Variants in TTI1 observed in about 807,000 individuals in gnomAD.
TTI1 encodes TELO2 interacting protein 1, also known as TELO2-interacting protein 1 homolog.
Under a neutral mutation model 85.4 loss-of-function variants are expected in TTI1, and 52 were observed. That is an observed-to-expected ratio of 0.61 (90% CI 0.49 to 0.77). The LOEUF is 0.77. TTI1 is among the 30% of genes least tolerant of loss of function. TTI1 has a pLI of 0.00. For synonymous variants in TTI1, 512 were observed against 503.9 expected, an observed-to-expected ratio of 1.02 and a Z score of -0.22; for missense variants, 1,173 against 1,296.0, an observed-to-expected ratio of 0.91 and a Z score of 1.46.
intron 1 of TTI1, among the ~76,000 whole-genome samples, chr20:38,020,716 G>A (rs956564711): frequency 6.6e-6 from 1 of 151,982 alleles, no homozygotes; most frequent in African/African-American, 2.4e-5. Context: ...CACAAAAAAG[G>A]ATAGCCAAAT....
At chr20:37,988,082 G>C (rs1357299508) in intron 7 of TTI1, among the ~76,000 whole-genome samples, 2 of 152,250 alleles carry the variant, frequency 1.3e-5, no homozygotes, top group Non-Finnish European at 2.9e-5. Flanking sequence ...GGCACAAAGA[G>C]AGAGGGACAA....
intron 7 of TTI1, among the ~76,000 whole-genome samples, chr20:37,995,565 C>A (rs887357584): frequency 6.6e-5 from 10 of 152,246 alleles, no homozygotes; most frequent in Non-Finnish European, 1.3e-4. Flanking sequence ...GCCCCAGCAG[C>A]AGACCTACCC....
intron 1 of TTI1, 129 bp from the exon 2 acceptor site, chr20:38,013,986 G>A (rs1366099811): frequency 2.7e-5 from 24 of 873,362 alleles, no homozygotes; most frequent in Non-Finnish European, 8.5e-6. Context: ...CACTAGGGGT[G>A]CAATGAAACT....
Position 38,020,322 on chromosome 20 carries a change from AAATAT to A in TTI1, c.-41-6470_-41-6466del, listed in dbSNP as rs1426382669. On this transcript the variant is annotated intron_variant, in intron 1 of 7. Coordinates refer to ENST00000373447, the MANE Select transcript of TTI1 (RefSeq NM_001303457.2). ...TGGCTACTCATATGAAAAAAAAAAA[AAATAT>A]ATATATATATATATATATATATATA... 8.7e-4 allele frequency among the ~76,000 whole-genome samples: 66 copies of A among 75,910 alleles called. 3 individuals are homozygous for A. Among genetic ancestry groups the A allele is most frequent in the African/African-American group, 3.4e-3 (56 of 16,236 alleles). The allele number at this position is 75,910 out of a possible 152,430, so 49.8% of individuals were successfully genotyped here. A position where few individuals can be genotyped will look rare whatever the true frequency, so the allele number is the denominator to read the frequency against.
chr20:37,993,317 G>A (rs1451242181), intron 7 of TTI1, among the ~76,000 whole-genome samples: 1 of 150,996 alleles, frequency 6.6e-6, no homozygotes. Flanking sequence ...TTACAACCTC[G>A]GTTACATCAA....
In TTI1 at chr20:37,996,884, T is replaced by G; in HGVS notation, c.2863A>C (p.Lys955Gln). Residue 955 changes from lysine (K) to glutamine (Q), a missense_variant, in exon 6 of 8, where the codon AAG (lysine) becomes CAG (glutamine). By Grantham distance (53) the Lys-to-Gln change is moderately conservative. Transcript: ENST00000373447. ...RSRFCKDVLP[K>Q]LAGSLVTQAP... ...TGGGTGACTAGGGAGCCAGCCAGCT[T>G]TGGCAGGACATCTTTGCAGAACCGG... 6.2e-7 allele frequency: 1 copy of G among 1,614,120 alleles called. No homozygotes were observed. The highest frequency in any genetic ancestry group is 8.5e-7 in the Non-Finnish European group (1 of 1,180,014).
chr20:37,990,916 G>A (rs956456483), intron 7 of TTI1, among the ~76,000 whole-genome samples: 8 of 152,196 alleles, frequency 5.3e-5, no homozygotes, highest in Non-Finnish European at 1.2e-4. Flanking sequence ...CAAGGAAGAA[G>A]GGACAGAATT....
At chr20:37,996,574 T>C (rs755470439) in intron 6 of TTI1, 112 bp from the exon 7 acceptor site, 550 of 1,421,448 alleles carry the variant, frequency 3.9e-4, no homozygotes, top group Non-Finnish European at 5.3e-4. Context: ...CTCTGGGCTC[T>C]CTACTCCATC....
chr20:38,015,814 CA>C (rs1238426030), intron 1 of TTI1, among the ~76,000 whole-genome samples: 9 of 152,128 alleles, frequency 5.9e-5, no homozygotes, highest in Non-Finnish European at 1.3e-4. Context: ...CTGTCTTACC[CA>C]AAGCAGGGAT....
intron 7 of TTI1, among the ~76,000 whole-genome samples, chr20:37,994,785 T>A (rs2073315866): frequency 6.6e-6 from 1 of 152,120 alleles, no homozygotes; most frequent in African/African-American, 2.4e-5. Context: ...GGCTGCGTGT[T>A]CCTCCACCTG....
At chr20:38,021,297 C>T (rs1315444121) in intron 1 of TTI1, among the ~76,000 whole-genome samples, 1 of 152,170 alleles carries the variant, frequency 6.6e-6, no homozygotes, top group African/African-American at 2.4e-5. Context: ...CTATAAAAGG[C>T]AATCATATAG....
rs151012408 is a variant in TTI1, at chr20:37,995,533, CAG to C, written c.3086+840_3086+841del. On this transcript the variant is annotated intron_variant, in intron 7 of 7. Transcript: ENST00000373447. ...AGGAGCTGCAGGGCTCAGAGCGGCA[CAG>C]AGTGCCAGGCCCAGCTTTCGCCCCA... Among the ~76,000 whole-genome samples the C allele has an allele frequency of 1.5e-3, 231 of 152,372 alleles. 5 individuals carry two copies. The East Asian group carries it at 0.04, about 26-fold the overall frequency.
intron 2 of TTI1, among the ~76,000 whole-genome samples, chr20:38,009,094 G>C (rs2073542890): frequency 6.6e-6 from 1 of 152,060 alleles, no homozygotes; most frequent in African/African-American, 2.4e-5. Context: ...CCCAAATTCA[G>C]ATACCTCTTG....
rs772839935 is a variant in TTI1 at position 38,020,310 on chromosome 20, G to GAAAAAAAA, written c.-41-6461_-41-6454dup. Reference sequence around the variant, plus strand: ...TGCTATGTCACTTGGCTACTCATATGAAAAAAAAAAAAAATATATATATAT... The same window carrying GAAAAAAAA: ...TGCTATGTCACTTGGCTACTCATATGAAAAAAAAAAAAAAAAAAAAAATATATATATAT... On this transcript the variant is annotated intron_variant, in intron 1 of 7. Transcript: ENST00000373447. Among the ~76,000 whole-genome samples the GAAAAAAAA allele has an allele frequency of 6.0e-4, 29 of 48,248 alleles. 1 individual carries two copies. The highest frequency in any genetic ancestry group is 1.6e-3 in the African/African-American group (15 of 9,428). The allele number at this position is 48,248 out of a possible 152,430, so 31.7% of individuals were successfully genotyped here.
intron 1 of TTI1, among the ~76,000 whole-genome samples, chr20:38,021,621 T>C (rs563026486): frequency 4.2e-4 from 64 of 152,310 alleles, no homozygotes; most frequent in Non-Finnish European, 7.5e-4. Context: ...AGTTCTTGAC[T>C]GCTAATGGAC....
chr20:38,001,341 A>T (rs371218172), intron 4 of TTI1, among the ~76,000 whole-genome samples: 5 of 152,244 alleles, frequency 3.3e-5, no homozygotes, highest in African/African-American at 1.2e-4. Flanking sequence ...CACATGGCTA[A>T]TAAGAGGCAG....
In TTI1 at chr20:38,002,786, G is replaced by A; in HGVS notation, c.2504-10C>T. ...GGGACTGACTGTTCCTCTGGAAAAA[G>A]AGCACAACTGGGGGCAGTGTTGTAT... On this transcript the variant is annotated splice_polypyrimidine_tract_variant and intron_variant, in intron 3 of 7. Transcript: ENST00000373447. The A allele has an allele frequency of 1.2e-6, 2 of 1,613,374 alleles. No homozygotes were observed. The highest frequency in any genetic ancestry group is 1.3e-5 in the African/African-American group (1 of 75,034).
intron 6 of TTI1, 25 bp from the exon 7 acceptor site, chr20:37,996,487 G>GC: frequency 3.1e-6 from 5 of 1,610,924 alleles, no homozygotes; most frequent in Non-Finnish European, 4.2e-6. Context: ...AACAAAACAA[G>GC]CATCAGCCCT....
Position 38,002,656 on chromosome 20 carries a change from GACA to G in TTI1, c.2621_2623del (p.Leu874del), listed in dbSNP as rs759798379. On this transcript the variant is annotated inframe_deletion, in exon 4 of 8. Transcript: ENST00000373447. Reference sequence around the variant, plus strand: ...CAGGCGGATTTGCAGATTTTTATCTGACAACAAGTGGATGCAGCGTTCCATCAC... The same window carrying G: ...CAGGCGGATTTGCAGATTTTTATCTGACAAGTGGATGCAGCGTTCCATCAC... 2.1e-5 allele frequency: 34 copies of G among 1,614,082 alleles called. 1 individual carries two copies. Among genetic ancestry groups the G allele is most frequent in the South Asian group, 1.8e-4 (16 of 91,088 alleles).
Sources: allele counts gnomAD v4.1 joint callset (sites outside exome capture counted in the v4.1 genomes callset), GRCh38; gene constraint gnomAD v4.1.1; transcripts MANE v1.5; gene names NCBI Gene and HGNC (gene_info 2026-07-23, HGNC 2026-07-21).